IGSF9B: variants seen among roughly 807,000 people sequenced by gnomAD.
IGSF9B encodes protein turtle homolog B.
In IGSF9B, 48 loss-of-function variants were observed where a neutral mutation model predicts 143.7. The ratio of observed to expected loss-of-function variants is 0.33; its 90% CI spans 0.26 to 0.42. The LOEUF is 0.42. Ranked by LOEUF, IGSF9B falls within the 20% of genes least tolerant of loss-of-function variation. The probability of loss-of-function intolerance (pLI) is 1.00; values close to 1 mark genes in which losing one functional copy is unlikely to be tolerated. For synonymous variants in IGSF9B, 903 were observed against 833.1 expected (o/e 1.08, Z -1.44); for missense variants, 1,706 against 1,980.0 (o/e 0.86, Z 2.63).
In IGSF9B at chr11:133,953,789, G is replaced by A. The variant is rs983850718; in HGVS notation, c.64+2902C>T. On this transcript the variant is annotated intron_variant, in intron 1 of 19. Coordinates refer to ENST00000533871, the MANE Select transcript of IGSF9B (RefSeq NM_001277285.4). This position sits in a 1 kb window ranked among gnomAD's most constrained non-coding sequence, Gnocchi z 4.2. ...CCTCCCACAGAGTAGGAACTCCCCC[G>A]GGCTGGCTCAGCAGCCGTCTGAGAT... 3.9e-5 allele frequency among the ~76,000 whole-genome samples: 6 copies of A among 152,026 alleles called. No homozygotes were observed. Among genetic ancestry groups the A allele is most frequent in the Admixed American group, 2.0e-4 (3 of 15,254 alleles).
chr11:133,945,718 G>A lies in IGSF9B; in HGVS notation c.262+343C>T, dbSNP rs754640924. On this transcript the variant is annotated intron_variant, in intron 2 of 19. Transcript: ENST00000533871. The surrounding 1 kb of genome is among the most constrained non-coding windows in gnomAD (Gnocchi z 4.6). ...GAGCCAAGAGGAAAGGGGTGGGTGC[G>A]GCCAAGCAGGGAGAGCCGTGCTGGC... Among the ~76,000 whole-genome samples, 38 of 152,226 alleles carry A rather than the reference G, an allele frequency of 2.5e-4. No homozygotes were observed. Among genetic ancestry groups the A allele is most frequent in the Non-Finnish European group, 4.3e-4 (29 of 68,014 alleles).
chr11:133,935,973 C>A, intron 6 of IGSF9B, 80 bp downstream of exon 6: 1 of 1,531,340 alleles, frequency 6.5e-7, no homozygotes, highest in Non-Finnish European at 8.9e-7. Flanking sequence ...GGCAGCCTGC[C>A]CGTGCAATTT....
rs1004492080 is a variant in IGSF9B, at chr11:133,921,109, C to A, written c.2616G>T (p.Arg872Ser). ...PAEMEPSLKS[R>S]RIEGFPFAEE... ...CGGCGAAGGGGAAGCCCTCGATGCG[C>A]CTGCTCTTCAGCGAGGGCTCCATCT... Residue 872 changes from arginine (R) to serine (S), a missense_variant, in exon 18 of 20, where the codon AGG becomes AGT. Arg to Ser is a moderately radical substitution (Grantham distance 110). Transcript: ENST00000533871. 6.2e-7 allele frequency: 1 copy of A among 1,613,740 alleles called. No individual in the cohort carries two copies. Among genetic ancestry groups the A allele is most frequent in the South Asian group, 1.1e-5 (1 of 91,094 alleles).
chr11:133,931,415 C>G lies in IGSF9B; in HGVS notation c.1368+38G>C. ...AGCCCCAGGGCTCCCTGGGCCCTCACACCTCCCTGCAGACCCAGGGCTCCA... is the reference window on the plus strand; with the variant it reads ...AGCCCCAGGGCTCCCTGGGCCCTCAGACCTCCCTGCAGACCCAGGGCTCCA... On this transcript the variant is annotated intron_variant, in intron 10 of 19. Coordinates refer to ENST00000533871, the MANE Select transcript of IGSF9B (RefSeq NM_001277285.4). The surrounding 1 kb of genome is among the most constrained non-coding windows in gnomAD (Gnocchi z 7.7). The G allele has an allele frequency of 6.8e-7, 1 of 1,471,982 alleles. No individual in the cohort carries two copies. The highest frequency in any genetic ancestry group is 9.4e-7 in the Non-Finnish European group (1 of 1,058,330). 91.2% of individuals were successfully genotyped at this position (1,471,982 alleles called of 1,614,324 possible). A position where few individuals can be genotyped will look rare whatever the true frequency, so the allele number is the denominator to read the frequency against.
intron 17 of IGSF9B, 118 bp from the exon 18 acceptor site, chr11:133,921,515 G>T: frequency 1.4e-6 from 1 of 735,054 alleles, no homozygotes; most frequent in Non-Finnish European, 2.1e-6. Flanking sequence ...AAGAAAACTG[G>T]CTGTGTATCG....
At chr11:133,934,489 T>C (rs1939787325) in intron 7 of IGSF9B, among the ~76,000 whole-genome samples, 1 of 152,228 alleles carries the variant, frequency 6.6e-6, no homozygotes, top group African/African-American at 2.4e-5. Context: ...AGATCTGTTG[T>C]CCTGGACCTC....
Position 133,935,732 on chromosome 11 carries a change from G to T in IGSF9B, c.852C>A (p.Ile284=), listed in dbSNP as rs766326556. 1 of 1,611,902 alleles carries T rather than the reference G, an allele frequency of 6.2e-7. No individual in the cohort carries two copies. Among genetic ancestry groups the T allele is most frequent in the Non-Finnish European group, 8.5e-7 (1 of 1,179,264 alleles). The part of the protein sequence containing the change: ...NDLKLRVRIL[I]DGTLIIFRVK... ...CCCGGAAGATGATCAGGGTCCCATC[G>T]ATTAGGATGCGCACCCTCAGCTTCA... Residue 284 remains isoleucine (I), a synonymous_variant, in exon 7 of 20, where the codon ATC becomes ATA. Transcript: ENST00000533871.
At chr11:133,915,775 C>G (rs1939369356) in intron 18 of IGSF9B, among the ~76,000 whole-genome samples, 1 of 152,242 alleles carries the variant, frequency 6.6e-6, no homozygotes, top group Non-Finnish European at 1.5e-5. Context: ...CCCTGGCCAA[C>G]AGGCTGAAGC....
rs71038546 is a variant in IGSF9B, at chr11:133,948,056, C to CGTGTGTGT, written c.65-1806_65-1799dup. 0.041 allele frequency among the ~76,000 whole-genome samples: 5,967 copies of CGTGTGTGT among 147,208 alleles called. 404 individuals carry two copies. The highest frequency in any genetic ancestry group is 0.14 in the African/African-American group (5,544 of 39,108). ...CTGTTTCTGTCTACCAGCATGTGTG[C>CGTGTGTGT]GTGTGTGTGTGTGTGTGTGTGTGTG... On this transcript the variant is annotated intron_variant, in intron 1 of 19. Coordinates refer to ENST00000533871, the MANE Select transcript of IGSF9B (RefSeq NM_001277285.4). This position sits in a 1 kb window ranked among gnomAD's most constrained non-coding sequence, Gnocchi z 4.7.
In IGSF9B at chr11:133,920,404, C is replaced by CGACTTGCCTGCCCAACCCT; in HGVS notation, c.3302_3320dup (p.Pro1108GlyfsTer53). On this transcript the variant is annotated frameshift_variant, in exon 18 of 20. Transcript: ENST00000533871. LOFTEE classifies it high-confidence loss of function. ...GCGCTGGGACAGGGCCCCTGCCGGG[C>CGACTTGCCTGCCCAACCCT]GACTTGCCTGCCCAACCCTTCGGTG... is the stretch of plus-strand genomic sequence containing the variant. The CGACTTGCCTGCCCAACCCT allele has an allele frequency of 6.3e-7, 1 of 1,594,042 alleles. No homozygotes were observed. Among genetic ancestry groups the CGACTTGCCTGCCCAACCCT allele is most frequent in the Non-Finnish European group, 8.5e-7 (1 of 1,171,716 alleles).
At chr11:133,942,452 G>A (rs932373925) in intron 3 of IGSF9B, among the ~76,000 whole-genome samples, 5 of 152,124 alleles carry the variant, frequency 3.3e-5, no homozygotes, top group African/African-American at 4.8e-5. Context: ...ACTCCCACTC[G>A]TGCAAACTAA....
At position 133,928,661 on chromosome 11, in the gene IGSF9B, C is replaced by T. The variant is rs1238712447; in HGVS notation, c.1631+1010G>A. ...GTCACCCCCGGGGCAGGGCAGGTGG[C>T]TGCCACTCTTACTCAAACAGGAGTG... On this transcript the variant is annotated intron_variant, in intron 12 of 19. Transcript: ENST00000533871. This position sits in a 1 kb window ranked among gnomAD's most constrained non-coding sequence, Gnocchi z 4.7. Among the ~76,000 whole-genome samples the T allele has an allele frequency of 6.6e-6, 1 of 152,182 alleles. No individual in the cohort carries two copies. Among genetic ancestry groups the T allele is most frequent in the Non-Finnish European group, 1.5e-5 (1 of 68,030 alleles).
rs532793019 is a variant in IGSF9B, at chr11:133,937,383, A to T, written c.672T>A (p.Leu224=). The change falls in exon 5 of 20, where the codon CTT becomes CTA. Residue 224 remains leucine (L), a synonymous_variant. Coordinates refer to ENST00000533871, the MANE Select transcript of IGSF9B (RefSeq NM_001277285.4). ...TGAGGAAATGGCTCCTACCTTGGAC[A>T]AGCAGGTGAGTCGTGTGGACAGCCT... ...QGEAVHTTHL[L]VQGPPFIVSP... is the part of the protein sequence containing the mutation. 19 of 1,609,678 alleles carry T rather than the reference A, an allele frequency of 1.2e-5. No individual in the cohort carries two copies. In the Admixed American group the frequency reaches 1.7e-4, roughly 14 times the overall value.
intron 3 of IGSF9B, among the ~76,000 whole-genome samples, chr11:133,938,482 A>G (rs1391187520): frequency 6.6e-6 from 1 of 152,138 alleles, no homozygotes; most frequent in Non-Finnish European, 1.5e-5. Context: ...TCTGGCTTCC[A>G]TGGATGAAGG....
chr11:133,907,586 T>C lies in IGSF9B; in HGVS notation c.*1483A>G, dbSNP rs999011465. On this transcript the variant is annotated 3_prime_UTR_variant, in exon 20 of 20. Transcript: ENST00000533871. ...GCCCTCGGGGCCTTCTGCCCTGCCC[T>C]TGGGCAGCACCATATCTTACCGGCA... 1.6e-4 allele frequency among the ~76,000 whole-genome samples: 24 copies of C among 152,220 alleles called. No homozygotes were observed. Among genetic ancestry groups the C allele is most frequent in the African/African-American group, 5.8e-4 (24 of 41,472 alleles).
chr11:133,912,868 C>T (rs1458495745), intron 18 of IGSF9B, among the ~76,000 whole-genome samples: 6 of 152,230 alleles, frequency 3.9e-5, no homozygotes, highest in African/African-American at 1.4e-4. Flanking sequence ...ATCAACTGCC[C>T]GGTTAGGACA....
intron 13 of IGSF9B, 34 bp downstream of exon 13, chr11:133,926,882 C>T: frequency 2.0e-6 from 3 of 1,533,226 alleles, no homozygotes; most frequent in Non-Finnish European, 2.6e-6. Context: ...ACCTCTACAA[C>T]CCCCGCTCCC....
chr11:133,947,811 T>A (rs1400058991), intron 1 of IGSF9B, among the ~76,000 whole-genome samples: 1 of 151,840 alleles, frequency 6.6e-6, no homozygotes, highest in African/African-American at 2.4e-5. Context: ...TCTCTCTAGC[T>A]CCTTCTCTGG....
intron 13 of IGSF9B, among the ~76,000 whole-genome samples, chr11:133,926,427 G>A (rs1038865113): frequency 1.3e-5 from 2 of 152,200 alleles, no homozygotes; most frequent in African/African-American, 4.8e-5. Context: ...CACCACCTAG[G>A]AAAAGCCTGT....
Sources: gnomAD v4.1 joint callset for allele counts (sites outside exome capture counted in the v4.1 genomes callset) on GRCh38, gnomAD v4.1.1 for gene constraint, Gnocchi (gnomAD v3.1) non-coding constraint, MANE v1.5 for transcripts, NCBI Gene and HGNC (gene_info 2026-07-23, HGNC 2026-07-21) for gene names.